The following REXO4 variants were observed in gnomAD, a reference collection of about 807,000 sequenced individuals.
REXO4 encodes REX4 homolog, 3'-5' exonuclease.
A neutral mutation model predicts 39.9 loss-of-function variants in REXO4; 29 were observed. That is an observed-to-expected ratio of 0.73 (90% CI 0.54 to 0.99). The LOEUF (loss-of-function observed/expected upper bound fraction) is 0.99, where lower values mean the gene tolerates loss of function less well. Ranked by LOEUF, REXO4 falls within the 50% of genes least tolerant of loss-of-function variation. REXO4 has a pLI of 0.00. For synonymous variants in REXO4, 184 were observed against 206.2 expected, an observed-to-expected ratio of 0.89 and a Z score of 0.92; for missense variants, 524 against 546.5, an observed-to-expected ratio of 0.96 and a Z score of 0.41.
At chr9:133,412,564 A>C (rs587736392) in intron 3 of REXO4, 72 bp from the exon 4 acceptor site, 2 of 1,533,044 alleles carry the variant, frequency 1.3e-6, no homozygotes, top group African/African-American at 1.4e-5. Flanking sequence ...AGCCCCAGGG[A>C]TCCATGGACT....
At position 133,412,770 on chromosome 9, in the gene REXO4, C is replaced by G; in HGVS notation, c.716+8G>C. The G allele has an allele frequency of 6.2e-7, 1 of 1,609,720 alleles. No individual in the cohort carries two copies. Among genetic ancestry groups the G allele is most frequent in the Non-Finnish European group, 8.5e-7 (1 of 1,179,950 alleles). On this transcript the variant is annotated splice_region_variant and intron_variant, in intron 3 of 7. Coordinates refer to ENST00000371942, the MANE Select transcript of REXO4 (RefSeq NM_020385.4). ...CCCAGCAGACCCCACTCCCTGAGAC[C>G]AGCGTACCCGCCGAAGGCCTGCTCT...
intron 1 of REXO4, among the ~76,000 whole-genome samples, chr9:133,417,071 C>A (rs1036068680): frequency 6.6e-6 from 1 of 152,196 alleles, no homozygotes; most frequent in Non-Finnish European, 1.5e-5. Context: ...AGTGCAGTGG[C>A]GCGATTTCGG....
chr9:133,411,288 T>A (rs1839200174), intron 4 of REXO4, among the ~76,000 whole-genome samples: 1 of 152,194 alleles, frequency 6.6e-6, no homozygotes, highest in African/African-American at 2.4e-5. Flanking sequence ...GAGAACCACC[T>A]CTGAGGAGAG....
In REXO4 at chr9:133,414,999, G is replaced by C; in HGVS notation, c.238C>G (p.Gln80Glu). Residue 80 changes from glutamine (Q) to glutamate (E), a missense_variant, in exon 2 of 8, where the codon CAA (glutamine) becomes GAA (glutamate). By Grantham distance (29) the Gln-to-Glu change is conservative. Transcript: ENST00000371942. ...WKALQEWLLK[Q>E]KSQAPEKPLV... is the part of the protein sequence containing the mutation. ...GGCTTTTCTGGGGCCTGAGATTTTT[G>C]TTTCAGCAGCCACTGGGACCCAAAA... The C allele has an allele frequency of 6.3e-7, 1 of 1,581,054 alleles. No individual in the cohort carries two copies.
At chr9:133,415,127 A>G in intron 1 of REXO4, 116 bp from the exon 2 acceptor site, 1 of 770,994 alleles carries the variant, frequency 1.3e-6, no homozygotes, top group South Asian at 2.0e-5. Context: ...CATCTATACA[A>G]TTCCCATCCG....
In REXO4 at chr9:133,407,893, G is replaced by GAAGAGGC. The variant is rs1429005412; in HGVS notation, c.1075-19_1075-13dup. 6.2e-7 allele frequency: 1 copy of GAAGAGGC among 1,611,176 alleles called. No homozygotes were observed. Among genetic ancestry groups the GAAGAGGC allele is most frequent in the Non-Finnish European group, 8.5e-7 (1 of 1,178,320 alleles). On this transcript the variant is annotated splice_polypyrimidine_tract_variant and intron_variant, in intron 6 of 7. Transcript: ENST00000371942. ...GACGGCCTTCCACTCTGCAAAGGGG[G>GAAGAGGC]AAGAGGCGGGTGGGGGCCTCTGCAG...
intron 7 of REXO4, among the ~76,000 whole-genome samples, 160 bp downstream of exon 7, chr9:133,407,647 G>A (rs781934694): frequency 1.3e-4 from 20 of 151,334 alleles, no homozygotes; most frequent in Non-Finnish European, 2.4e-4. Context: ...CCAAAATTCC[G>A]TAACTCCGCT....
rs1554781919 is a variant in REXO4, at chr9:133,417,613, G to A, written c.225+7C>T. The A allele has an allele frequency of 6.2e-7, 1 of 1,612,786 alleles. No individual in the cohort carries two copies. Among genetic ancestry groups the A allele is most frequent in the Non-Finnish European group, 8.5e-7 (1 of 1,179,714 alleles). ...CAGCGCTCCGCCCGGGCCCCCTCAA[G>A]CCTCACCTCTTGCAGCGCCTTCCAG... On this transcript the variant is annotated splice_region_variant and intron_variant, in intron 1 of 7. Coordinates refer to ENST00000371942, the MANE Select transcript of REXO4 (RefSeq NM_020385.4).
chr9:133,412,064 G>A (rs587719841), intron 4 of REXO4, among the ~76,000 whole-genome samples: 5 of 152,166 alleles, frequency 3.3e-5, no homozygotes, highest in African/African-American at 1.2e-4. Flanking sequence ...ACCGTGCCCA[G>A]CTACTGGCCT....
chr9:133,408,847 A>AAAAATAAAAT lies in REXO4; in HGVS notation c.1000-15_1000-6dup, dbSNP rs1554779510. ...TGGATGATCAAGAAATAGTACCTAG[A>AAAAATAAAAT]AAAATAAAATATAATGATAATCATT... On this transcript the variant is annotated splice_polypyrimidine_tract_variant and splice_region_variant and intron_variant, in intron 5 of 7. Transcript: ENST00000371942. 1 of 1,548,324 alleles carries AAAAATAAAAT rather than the reference A, an allele frequency of 6.5e-7. No homozygotes were observed. The highest frequency in any genetic ancestry group is 2.2e-5 in the East Asian group (1 of 44,520).
At chr9:133,414,435 C>T (rs1206149258) in intron 2 of REXO4, 2 of 692,052 alleles carry the variant, frequency 2.9e-6, no homozygotes, top group Non-Finnish European at 5.3e-6. Flanking sequence ...CACACGTGTA[C>T]TGGCACCCAC....
At chr9:133,409,976 A>G (rs1036602386) in intron 5 of REXO4, among the ~76,000 whole-genome samples, 2 of 152,242 alleles carry the variant, frequency 1.3e-5, no homozygotes, top group African/African-American at 4.8e-5. Context: ...GAGGGGGTAC[A>G]GCAGGAGCAC....
intron 4 of REXO4, among the ~76,000 whole-genome samples, chr9:133,411,614 C>T (rs942066494): frequency 6.6e-5 from 10 of 152,144 alleles, no homozygotes; most frequent in East Asian, 1.9e-4. Flanking sequence ...CCAAGTGGGA[C>T]CAGCTAATTT....
chr9:133,406,929 GGCA>G lies in REXO4; in HGVS notation c.*21_*23del, dbSNP rs781890047. 5.0e-6 allele frequency: 8 copies of G among 1,607,454 alleles called. No individual in the cohort carries two copies. Among genetic ancestry groups the G allele is most frequent in the Non-Finnish European group, 8.5e-7 (1 of 1,179,728 alleles). The stretch of plus-strand genomic sequence containing the variant: ...GGTCACATTGCCTCTGTAGCGGGGC[GGCA>G]GCAGCAGCAGGGCAGGACTGCTAGG... On this transcript the variant is annotated 3_prime_UTR_variant, in exon 8 of 8. Coordinates refer to ENST00000371942, the MANE Select transcript of REXO4 (RefSeq NM_020385.4).
At chr9:133,407,461 A>C (rs1479545013) in intron 7 of REXO4, among the ~76,000 whole-genome samples, 1 of 152,094 alleles carries the variant, frequency 6.6e-6, no homozygotes, top group Non-Finnish European at 1.5e-5. Context: ...GCAGGGGGTG[A>C]CTGCTCCACA....
At chr9:133,416,504 G>A (rs1294808798) in intron 1 of REXO4, among the ~76,000 whole-genome samples, 4 of 152,116 alleles carry the variant, frequency 2.6e-5, no homozygotes, top group Admixed American at 6.5e-5. Context: ...TGGGCTACTC[G>A]GGAGGCTGAG....
rs782286526 is a variant in REXO4 at position 133,407,815 on chromosome 9, G to GCTC, written c.1138_1140dup (p.Glu380dup). On this transcript the variant is annotated inframe_insertion, in exon 7 of 8. Coordinates refer to ENST00000371942, the MANE Select transcript of REXO4 (RefSeq NM_020385.4). ...CCACAGGACACACTTACTGAACAGTGCTCCGCCTGCTGGACCTGGAGCCCA... is the reference window on the plus strand; with the variant it reads ...CCACAGGACACACTTACTGAACAGTGCTCCTCCGCCTGCTGGACCTGGAGCCCA... 35 of 1,613,676 alleles carry GCTC rather than the reference G, an allele frequency of 2.2e-5. 1 individual carries two copies. The highest frequency in any genetic ancestry group is 4.2e-6 in the Non-Finnish European group (5 of 1,179,884).
chr9:133,408,846 G>A lies in REXO4; in HGVS notation c.1000-4C>T, dbSNP rs782226080. On this transcript the variant is annotated splice_polypyrimidine_tract_variant and splice_region_variant and intron_variant, in intron 5 of 7. Coordinates refer to ENST00000371942, the MANE Select transcript of REXO4 (RefSeq NM_020385.4). ...TTGGATGATCAAGAAATAGTACCTA[G>A]AAAAATAAAATATAATGATAATCAT... The A allele has an allele frequency of 6.5e-7, 1 of 1,548,740 alleles. No individual in the cohort carries two copies. The highest frequency in any genetic ancestry group is 8.9e-7 in the Non-Finnish European group (1 of 1,127,882).
At chr9:133,415,999 T>C (rs1839573604) in intron 1 of REXO4, 1 of 152,194 alleles carries the variant, frequency 6.6e-6, no homozygotes. Flanking sequence ...ACCCCATCTG[T>C]ATTAGTTCAT....
Sources: gnomAD v4.1 joint callset for allele counts (sites outside exome capture counted in the v4.1 genomes callset) on GRCh38, gnomAD v4.1.1 for gene constraint, MANE v1.5 for transcripts, NCBI Gene and HGNC (gene_info 2026-07-23, HGNC 2026-07-21) for gene names.